The following SERPINI1 variants were observed in gnomAD, a reference collection of about 807,000 sequenced individuals.
SERPINI1 encodes the protein serpin family I member 1, also known as neuroserpin.
SERPINI1 carries 19 observed loss-of-function variants against 41.1 expected under a neutral mutation model. The ratio of observed to expected loss-of-function variants is 0.46; its 90% CI spans 0.32 to 0.68. The LOEUF is 0.68. Among genes scored for constraint, SERPINI1 ranks in the 30% least tolerant of loss-of-function variants. The probability of loss-of-function intolerance (pLI) is 0.03; values close to 1 mark genes in which losing one functional copy is unlikely to be tolerated. For synonymous variants in SERPINI1, 138 were observed against 156.6 expected (o/e 0.88, Z 0.89); for missense variants, 460 against 479.2 (o/e 0.96, Z 0.37).
At chr3:167,750,513 G>T (rs370818798) in intron 1 of SERPINI1, among the ~76,000 whole-genome samples, 1 of 152,334 alleles carries the variant, frequency 6.6e-6, no homozygotes, top group Middle Eastern at 3.4e-3. Flanking sequence ...ATTAGTATGT[G>T]AAGAGAAAGT....
At chr3:167,740,508 C>G (rs1304675017) in intron 1 of SERPINI1, among the ~76,000 whole-genome samples, 1 of 152,158 alleles carries the variant, frequency 6.6e-6, no homozygotes, top group African/African-American at 2.4e-5. Flanking sequence ...ATTTGGATAA[C>G]TATTTGGTAA....
intron 5 of SERPINI1, among the ~76,000 whole-genome samples, chr3:167,795,201 A>G (rs1273805489): frequency 1.3e-5 from 2 of 152,092 alleles, no homozygotes; most frequent in African/African-American, 4.8e-5. Flanking sequence ...TTTTATTAAC[A>G]CTTAAGATTG....
chr3:167,741,782 T>A (rs895596922), intron 1 of SERPINI1, among the ~76,000 whole-genome samples: 1 of 152,238 alleles, frequency 6.6e-6, no homozygotes, highest in Non-Finnish European at 1.5e-5. Flanking sequence ...TTACAGATGT[T>A]AAATCCCTTA....
chr3:167,769,472 CTATT>C (rs771149999), intron 1 of SERPINI1, among the ~76,000 whole-genome samples: 1 of 152,116 alleles, frequency 6.6e-6, no homozygotes, highest in African/African-American at 2.4e-5. Flanking sequence ...TTATTTTTGA[CTATT>C]TAAAGATCTT....
chr3:167,803,565 GTAT>G (rs1711521791), intron 5 of SERPINI1, among the ~76,000 whole-genome samples: 1 of 152,016 alleles, frequency 6.6e-6, no homozygotes, highest in African/African-American at 2.4e-5. Context: ...TATGAAATAG[GTAT>G]TATTATTGCC....
chr3:167,756,303 C>T (rs1332549092), intron 1 of SERPINI1, among the ~76,000 whole-genome samples: 1 of 151,784 alleles, frequency 6.6e-6, no homozygotes, highest in African/African-American at 2.4e-5. Context: ...TGACCCAACC[C>T]CCACATTTTT....
At chr3:167,753,228 G>A (rs1450434301) in intron 1 of SERPINI1, among the ~76,000 whole-genome samples, 1 of 152,018 alleles carries the variant, frequency 6.6e-6, no homozygotes, top group African/African-American at 2.4e-5. Flanking sequence ...TCCCATCTTT[G>A]TTTTGGGTGA....
At chr3:167,799,097 G>A (rs1014126182) in intron 5 of SERPINI1, among the ~76,000 whole-genome samples, 9 of 152,094 alleles carry the variant, frequency 5.9e-5, no homozygotes, top group African/African-American at 2.2e-4. Context: ...GAACATGCAG[G>A]TTTGTTACAT....
At chr3:167,737,832 G>A (rs1028421551) in intron 1 of SERPINI1, among the ~76,000 whole-genome samples, 4 of 152,058 alleles carry the variant, frequency 2.6e-5, no homozygotes. Flanking sequence ...CTGAGACACG[G>A]TAAAGGATAG....
At chr3:167,809,999 C>T (rs536999979) in intron 6 of SERPINI1, among the ~76,000 whole-genome samples, 5 of 152,260 alleles carry the variant, frequency 3.3e-5, no homozygotes, top group Admixed American at 1.3e-4. Context: ...TTGCCAGAGT[C>T]TAAGCAGCTC....
At chr3:167,737,144 G>C (rs1441818640) in intron 1 of SERPINI1, among the ~76,000 whole-genome samples, 12 of 151,778 alleles carry the variant, frequency 7.9e-5, no homozygotes. Context: ...AAAAGAAATG[G>C]CTCAAATGAA....
chr3:167,812,285 C>T (rs1711917727), intron 6 of SERPINI1, among the ~76,000 whole-genome samples: 2 of 152,186 alleles, frequency 1.3e-5, no homozygotes, highest in African/African-American at 2.4e-5. Context: ...GTCACCTGTG[C>T]CCCATCCGCT....
At chr3:167,779,524 A>T (rs1475058236) in intron 1 of SERPINI1, among the ~76,000 whole-genome samples, 1 of 152,210 alleles carries the variant, frequency 6.6e-6, no homozygotes, top group African/African-American at 2.4e-5. Context: ...AGTTTTCTAC[A>T]ACATAGAGAG....
At chr3:167,774,192 A>G (rs1726888650) in intron 1 of SERPINI1, among the ~76,000 whole-genome samples, 1 of 152,208 alleles carries the variant, frequency 6.6e-6, no homozygotes, top group Non-Finnish European at 1.5e-5. Context: ...CTTGGGACAC[A>G]GCTAATGCTT....
At chr3:167,768,701 A>C (rs1230666618) in intron 1 of SERPINI1, among the ~76,000 whole-genome samples, 1 of 152,134 alleles carries the variant, frequency 6.6e-6, no homozygotes, top group African/African-American at 2.4e-5. Context: ...GGCTTATGGA[A>C]TTTCTCTAAC....
intron 5 of SERPINI1, among the ~76,000 whole-genome samples, chr3:167,803,285 A>AAATG (rs1711512729): frequency 5.2e-5 from 2 of 38,718 alleles, no homozygotes; most frequent in African/African-American, 3.3e-4. Flanking sequence ...ATAATAATAA[A>AAATG]AATAAATAAA....
intron 6 of SERPINI1, among the ~76,000 whole-genome samples, chr3:167,819,964 C>T (rs1206690916): frequency 6.6e-6 from 1 of 152,062 alleles, no homozygotes; most frequent in Non-Finnish European, 1.5e-5. Flanking sequence ...TGTTTTGTTT[C>T]TTTCTTAGGG....
intron 6 of SERPINI1, among the ~76,000 whole-genome samples, chr3:167,808,275 AT>A (rs3061445): frequency 6.7e-6 from 1 of 149,100 alleles, no homozygotes. Flanking sequence ...CAAATACCCT[AT>A]TTTTTTCAGA....
rs1441627154 is a variant in SERPINI1, at chr3:167,735,752, G to A, written c.-90G>A. 6.6e-6 allele frequency: 1 copy of A among 152,362 alleles called. No individual in the cohort carries two copies. The highest frequency in any genetic ancestry group is 1.5e-5 in the Non-Finnish European group (1 of 68,150). The allele number at this position is 152,362 out of a possible 1,614,324, so 9.4% of individuals were successfully genotyped here. On this transcript the variant is annotated 5_prime_UTR_variant, in exon 1 of 9. Transcript: ENST00000446050. ...TCCCGGGAGAGACGAAAGCAGGAAC[G>A]AGAGCGGAGCGGAGCACAGTCCGCC...
Sources: gnomAD v4.1 joint callset for allele counts (sites outside exome capture counted in the v4.1 genomes callset) on GRCh38, gnomAD v4.1.1 for gene constraint, MANE v1.5 for transcripts, NCBI Gene and HGNC (gene_info 2026-07-23, HGNC 2026-07-21) for gene names.